The following SPIN1 variants were observed in gnomAD, a reference collection of about 807,000 sequenced individuals.
SPIN1 encodes the protein spindlin 1.
Under a neutral mutation model 26.0 loss-of-function variants are expected in SPIN1, and 3 were observed. That is an observed-to-expected ratio of 0.12 (90% CI 0.05 to 0.30). The LOEUF is 0.30. SPIN1 is among the 10% of genes least tolerant of loss of function. The probability of loss-of-function intolerance (pLI) is 1.00; values close to 1 mark genes in which losing one functional copy is unlikely to be tolerated. For missense variants in SPIN1, 126 were observed against 333.4 expected (o/e 0.38, Z 4.84); for synonymous variants, 101 against 116.5 (o/e 0.87, Z 0.86).
chr9:88,445,920 A>G (rs2118119330), intron 2 of SPIN1, among the ~76,000 whole-genome samples: 1 of 152,216 alleles, frequency 6.6e-6, no homozygotes, highest in Middle Eastern at 3.4e-3. Flanking sequence ...GCATTCTTTT[A>G]GTATTCTTTA....
chr9:88,468,291 C>G, intron 4 of SPIN1, 81 bp from the exon 5 acceptor site: 2 of 1,061,334 alleles, frequency 1.9e-6, no homozygotes, highest in African/African-American at 1.6e-5. Context: ...CAGGTGTAGC[C>G]TTCTTTAGTA....
At chr9:88,400,828 G>C (rs1169968394) in intron 1 of SPIN1, among the ~76,000 whole-genome samples, 1 of 148,492 alleles carries the variant, frequency 6.7e-6, no homozygotes, top group African/African-American at 2.5e-5. Context: ...TGGGGTGACA[G>C]AGCGAGACTC....
chr9:88,437,185 A>G (rs553021263), intron 2 of SPIN1, among the ~76,000 whole-genome samples: 21 of 151,932 alleles, frequency 1.4e-4, no homozygotes, highest in Non-Finnish European at 2.5e-4. Flanking sequence ...GTTGCTTCCA[A>G]ATTTTGGCAG....
chr9:88,447,794 G>C (rs1269529809), intron 2 of SPIN1, among the ~76,000 whole-genome samples: 2 of 152,098 alleles, frequency 1.3e-5, no homozygotes, highest in East Asian at 1.9e-4. Flanking sequence ...ATGGTAAAAG[G>C]GTGGTGTTCT....
At chr9:88,420,181 G>C (rs1231976086) in intron 1 of SPIN1, among the ~76,000 whole-genome samples, 1 of 152,154 alleles carries the variant, frequency 6.6e-6, no homozygotes, top group Non-Finnish European at 1.5e-5. Context: ...TTCGAGACCA[G>C]CCTGACCAAC....
chr9:88,450,506 A>C lies in SPIN1; in HGVS notation c.101+1517A>C, dbSNP rs534527655. On this transcript the variant is annotated intron_variant, in intron 3 of 5. Coordinates refer to ENST00000375859, the MANE Select transcript of SPIN1 (RefSeq NM_006717.3). ...CATGTTATTATAATGCGTTTTGTGC[A>C]ATAAGATTCCATCTGCCTCATCCTA... Among the ~76,000 whole-genome samples, 211 of 151,316 alleles carry C rather than the reference A, an allele frequency of 1.4e-3. 1 individual carries two copies. The highest frequency in any genetic ancestry group is 5.6e-4 in the Non-Finnish European group (38 of 67,448).
intron 5 of SPIN1, among the ~76,000 whole-genome samples, chr9:88,473,660 T>TGTGTGTGTGC (rs887908844): frequency 9.2e-5 from 14 of 152,062 alleles, no homozygotes; most frequent in African/African-American, 3.4e-4. Flanking sequence ...TGTGTGTGTG[T>TGTGTGTGTGC]GCACGCGCTA....
rs1196153888 is a variant in SPIN1, at chr9:88,446,656, C to T, written c.53-2285C>T. On this transcript the variant is annotated intron_variant, in intron 2 of 5. Transcript: ENST00000375859. ...CTCCTGACCTCATGTGATCCACCCT[C>T]CTCTGTCTCCCAAAGTGCTGGGATT... Among the ~76,000 whole-genome samples, 4 of 152,248 alleles carry T rather than the reference C, an allele frequency of 2.6e-5. No homozygotes were observed. In the South Asian group the frequency reaches 6.2e-4, roughly 24 times the overall value.
At chr9:88,421,687 C>T (rs895449626) in intron 1 of SPIN1, among the ~76,000 whole-genome samples, 6 of 139,914 alleles carry the variant, frequency 4.3e-5, no homozygotes, top group Non-Finnish European at 9.0e-5. Context: ...CTCTTTTAGT[C>T]TAGAGCAGTA....
At position 88,477,148 on chromosome 9, in the gene SPIN1, C is replaced by T. The variant is rs573125759; in HGVS notation, c.*1871C>T. Reference sequence around the variant, plus strand: ...TCGTATGTGAACAGGTGTCATTCTACAGATCTGTTATGTGTTTTCCTGTTG... The same window carrying T: ...TCGTATGTGAACAGGTGTCATTCTATAGATCTGTTATGTGTTTTCCTGTTG... On this transcript the variant is annotated 3_prime_UTR_variant, in exon 6 of 6. Coordinates refer to ENST00000375859, the MANE Select transcript of SPIN1 (RefSeq NM_006717.3). 5 of 152,284 alleles carry T rather than the reference C, an allele frequency of 3.3e-5. No individual in the cohort carries two copies. In the South Asian group the frequency reaches 1.0e-3, roughly 32 times the overall value. The allele number at this position is 152,284 out of a possible 1,614,324, so 9.4% of individuals were successfully genotyped here.
At chr9:88,407,360 G>T (rs1480908868) in intron 1 of SPIN1, among the ~76,000 whole-genome samples, 2 of 151,854 alleles carry the variant, frequency 1.3e-5, no homozygotes, top group Non-Finnish European at 2.9e-5. Context: ...GCCCAGGCTG[G>T]TCTTGAACTG....
intron 1 of SPIN1, among the ~76,000 whole-genome samples, chr9:88,394,744 A>G (rs1239761131): frequency 6.7e-6 from 1 of 148,748 alleles, no homozygotes; most frequent in East Asian, 1.9e-4. Context: ...ATGTTTGATA[A>G]TTAATTTGGG....
intron 2 of SPIN1, among the ~76,000 whole-genome samples, chr9:88,446,209 ACT>A (rs1451164523): frequency 2.6e-5 from 4 of 151,392 alleles, no homozygotes; most frequent in East Asian, 2.0e-4. Flanking sequence ...TAATTAATTC[ACT>A]CTTTTAGAAT....
intron 1 of SPIN1, among the ~76,000 whole-genome samples, chr9:88,408,971 T>TTGTG (rs1201073155): frequency 8.2e-6 from 1 of 122,484 alleles, no homozygotes; most frequent in East Asian, 2.1e-4. Flanking sequence ...CCTTTTGTGT[T>TTGTG]TGTGTGTGTT....
chr9:88,449,064 A>C, intron 3 of SPIN1, 75 bp downstream of exon 3: 1 of 1,440,788 alleles, frequency 6.9e-7, no homozygotes. Context: ...TCACCTAGGT[A>C]AGGCCTCCTC....
At chr9:88,460,156 C>T (rs1828550776) in intron 3 of SPIN1, among the ~76,000 whole-genome samples, 1 of 152,166 alleles carries the variant, frequency 6.6e-6, no homozygotes, top group South Asian at 2.1e-4. Flanking sequence ...GTACTCTCTT[C>T]TGTGAACTTT....
At chr9:88,402,826 A>C (rs1827218808) in intron 1 of SPIN1, among the ~76,000 whole-genome samples, 1 of 152,218 alleles carries the variant, frequency 6.6e-6, no homozygotes, top group African/African-American at 2.4e-5. Context: ...ATAAATAGCC[A>C]GTAGTGGGAT....
In SPIN1 at chr9:88,448,346, G is replaced by GT. The variant is rs998542220; in HGVS notation, c.53-588dup. On this transcript the variant is annotated intron_variant, in intron 2 of 5. Coordinates refer to ENST00000375859, the MANE Select transcript of SPIN1 (RefSeq NM_006717.3). ...GGCGTGAGCCACTGTACCCAGTTAA[G>GT]TTTTTTTGTTTTTTTTGTTTTTTGA... is the stretch of plus-strand genomic sequence containing the variant. 8.6e-5 allele frequency among the ~76,000 whole-genome samples: 13 copies of GT among 151,804 alleles called. No homozygotes were observed. The East Asian group carries it at 2.5e-3, about 29-fold the overall frequency.
intron 2 of SPIN1, among the ~76,000 whole-genome samples, chr9:88,433,992 C>T (rs1827942519): frequency 6.6e-6 from 1 of 151,850 alleles, no homozygotes; most frequent in African/African-American, 2.4e-5. Flanking sequence ...TGTAAAGTCT[C>T]AGTTTCCAAG....
Sources: gnomAD v4.1 joint callset for allele counts (sites outside exome capture counted in the v4.1 genomes callset) on GRCh38, gnomAD v4.1.1 for gene constraint, MANE v1.5 for transcripts, NCBI Gene and HGNC (gene_info 2026-07-23, HGNC 2026-07-21) for gene names.